The following EIF2B1 variants were observed in gnomAD, a reference collection of about 807,000 sequenced individuals.
The protein encoded by EIF2B1 is eukaryotic translation initiation factor 2B subunit alpha.
A neutral mutation model predicts 36.8 loss-of-function variants in EIF2B1; 30 were observed. The observed-to-expected ratio is 0.81, with a 90% CI of 0.61 to 1.10. The LOEUF (loss-of-function observed/expected upper bound fraction) is 1.10. Ranked by LOEUF, EIF2B1 falls within the 50% of genes least tolerant of loss-of-function variation. EIF2B1 has a pLI of 0.00. For synonymous variants in EIF2B1, 139 were observed against 142.2 expected, an observed-to-expected ratio of 0.98 and a Z score of 0.16; for missense variants, 271 against 374.8, an observed-to-expected ratio of 0.72 and a Z score of 2.29.
chr12:123,633,549 G>A lies in EIF2B1; in HGVS notation c.9C>T (p.Asp3=), dbSNP rs765962608. 26 of 1,613,094 alleles carry A rather than the reference G, an allele frequency of 1.6e-5. No homozygotes were observed. The highest frequency in any genetic ancestry group is 2.1e-5 in the Non-Finnish European group (25 of 1,180,016). The change falls in exon 1 of 9, where the codon GAC becomes GAT. Residue 3 remains aspartate, a synonymous_variant. Transcript: ENST00000424014. MD[D]KELIEYFKSQ... is the part of the protein sequence containing the mutation. ...CCCTGGCCTGTCTTGATTTACCCTT[G>A]TCGTCCATGGCGTCCTCCTGCTGCG...
chr12:123,633,424 C>A lies in EIF2B1; in HGVS notation c.13+121G>T. On this transcript the variant is annotated intron_variant, in intron 1 of 8. Transcript: ENST00000424014. ...TTAGTTGTGACTCTGGAAACACAACCAGCGGAGCAGCCTGAAATTCAAAAG... is the reference window on the plus strand; with the variant it reads ...TTAGTTGTGACTCTGGAAACACAACAAGCGGAGCAGCCTGAAATTCAAAAG... The A allele has an allele frequency of 3.4e-6, 5 of 1,464,254 alleles. No homozygotes were observed. In the African/African-American group the frequency reaches 4.2e-5, roughly 12 times the overall value. 90.7% of individuals were successfully genotyped at this position (1,464,254 alleles called of 1,614,324 possible).
rs1955099100 is a variant in EIF2B1 at position 123,621,599 on chromosome 12, G to C, written c.*157C>G. On this transcript the variant is annotated 3_prime_UTR_variant, in exon 9 of 9. Transcript: ENST00000424014. ...ACATTTTTAGATGGGACTGAAATGA[G>C]TAAGAAAGGTTCTCCAAGATGTATG... is the stretch of plus-strand genomic sequence containing the variant. The C allele has an allele frequency of 1.1e-6, 1 of 889,104 alleles. No homozygotes were observed. The highest frequency in any genetic ancestry group is 1.7e-5 in the African/African-American group (1 of 60,470). 55.1% of individuals were successfully genotyped at this position (889,104 alleles called of 1,614,324 possible). A position where few individuals can be genotyped will look rare whatever the true frequency, so the allele number is the denominator to read the frequency against.
intron 4 of EIF2B1, among the ~76,000 whole-genome samples, chr12:123,628,828 C>G (rs1465703741): frequency 6.6e-6 from 1 of 152,130 alleles, no homozygotes; most frequent in African/African-American, 2.4e-5. Context: ...TTAATAAGAC[C>G]CCAGCTGACT....
At chr12:123,621,998 G>A (rs1955104780) in intron 8 of EIF2B1, 78 bp from the exon 9 acceptor site, 1 of 1,568,586 alleles carries the variant, frequency 6.4e-7, no homozygotes, top group South Asian at 1.1e-5. Flanking sequence ...TGAGTGATCA[G>A]TGTGCTACTT....
chr12:123,633,182 T>G (rs1955214419), intron 1 of EIF2B1, among the ~76,000 whole-genome samples: 1 of 150,402 alleles, frequency 6.6e-6, no homozygotes, highest in South Asian at 2.1e-4. Flanking sequence ...CCACTCCCCT[T>G]TATTTCTTTA....
In EIF2B1 at chr12:123,621,415, A is replaced by G; in HGVS notation, c.*341T>C. The stretch of plus-strand genomic sequence containing the variant: ...CGCCTGCATCTCGCGTGCTTTAGGC[A>G]GATCAGTCTGGAGTGCAGGGGAGGA... On this transcript the variant is annotated 3_prime_UTR_variant, in exon 9 of 9. Coordinates refer to ENST00000424014, the MANE Select transcript of EIF2B1 (RefSeq NM_001414.4). The G allele has an allele frequency of 5.4e-6, 2 of 369,014 alleles. No individual in the cohort carries two copies. The highest frequency in any genetic ancestry group is 1.0e-5 in the Non-Finnish European group (2 of 190,558). 22.9% of individuals were successfully genotyped at this position (369,014 alleles called of 1,614,324 possible). A position where few individuals can be genotyped will look rare whatever the true frequency, so the allele number is the denominator to read the frequency against.
At chr12:123,626,074 A>G (rs182533252) in intron 6 of EIF2B1, 3 of 286,546 alleles carry the variant, frequency 1.0e-5, no homozygotes, top group Non-Finnish European at 2.1e-5. Context: ...TGGAGATTGC[A>G]GTGAACCAAG....
Position 123,623,242 on chromosome 12 carries a change from A to G in EIF2B1, c.628-481T>C, listed in dbSNP as rs139738174. 5.0e-3 allele frequency among the ~76,000 whole-genome samples: 755 copies of G among 151,900 alleles called. 6 individuals carry two copies. The highest frequency in any genetic ancestry group is 0.014 in the African/African-American group (578 of 41,476). Reference sequence around the variant, plus strand: ...TAAAAATACAAAAAATTAGCTGGGCATGGTGGGATGGGGGGTGCCTGTAAT... The same window carrying G: ...TAAAAATACAAAAAATTAGCTGGGCGTGGTGGGATGGGGGGTGCCTGTAAT... On this transcript the variant is annotated intron_variant, in intron 7 of 8. Transcript: ENST00000424014.
At chr12:123,622,900 A>G (rs2135759937) in intron 7 of EIF2B1, 139 bp from the exon 8 acceptor site, 4 of 1,307,124 alleles carry the variant, frequency 3.1e-6, no homozygotes, top group South Asian at 1.2e-5. Flanking sequence ...ACCTGAACCC[A>G]TGAGTTTGGG....
chr12:123,625,671 T>C (rs1955143188), intron 6 of EIF2B1, among the ~76,000 whole-genome samples: 1 of 152,248 alleles, frequency 6.6e-6, no homozygotes, highest in Non-Finnish European at 1.5e-5. Flanking sequence ...GGAAATACAC[T>C]GACAATCCCA....
intron 6 of EIF2B1, among the ~76,000 whole-genome samples, chr12:123,625,575 A>G (rs1060637): frequency 1.3e-5 from 2 of 152,088 alleles, no homozygotes; most frequent in East Asian, 3.8e-4. Flanking sequence ...AATTCCTCAA[A>G]ATCCTTACTT....
intron 7 of EIF2B1, among the ~76,000 whole-genome samples, chr12:123,624,024 G>C (rs1022177355): frequency 1.3e-5 from 2 of 150,768 alleles, no homozygotes; most frequent in African/African-American, 4.9e-5. Context: ...GCAACAGAGT[G>C]AATGTGTCTC....
At chr12:123,629,600 T>A (rs1468613632) in intron 4 of EIF2B1, among the ~76,000 whole-genome samples, 5 of 152,162 alleles carry the variant, frequency 3.3e-5, no homozygotes, top group Admixed American at 3.3e-4. Flanking sequence ...GAGACCATCC[T>A]GGCTAACACA....
chr12:123,623,935 T>C (rs1955127720), intron 7 of EIF2B1, among the ~76,000 whole-genome samples: 2 of 151,962 alleles, frequency 1.3e-5, no homozygotes, highest in Non-Finnish European at 2.9e-5. Context: ...CCTAGCACTT[T>C]GGGAAGTGGA....
At chr12:123,633,288 G>C (rs1021681924) in intron 1 of EIF2B1, among the ~76,000 whole-genome samples, 10 of 150,444 alleles carry the variant, frequency 6.6e-5, no homozygotes, top group South Asian at 2.1e-4. Flanking sequence ...TTTAATGACA[G>C]ATCCAACAAG....
intron 4 of EIF2B1, 75 bp from the exon 5 acceptor site, chr12:123,627,231 G>A: frequency 1.8e-6 from 2 of 1,114,250 alleles, no homozygotes; most frequent in South Asian, 2.5e-5. Flanking sequence ...TGCGGCACGT[G>A]TTCCCGACAC....
intron 6 of EIF2B1, among the ~76,000 whole-genome samples, chr12:123,625,441 G>A (rs1060639): frequency 0.3 from 44,988 of 151,788 alleles, 7,343 homozygotes; most frequent in Non-Finnish European, 0.38. Flanking sequence ...TATTGCCCAG[G>A]CTGGTCTCCA....
rs1477367778 is a variant in EIF2B1 at position 123,622,729 on chromosome 12, T to G, written c.660A>C (p.Lys220Asn). Residue 220 changes from lysine to asparagine, a missense_variant, in exon 8 of 9, where the codon AAA becomes AAC. By Grantham distance (94) the Lys-to-Asn change is moderately conservative. Transcript: ENST00000424014. Reference sequence around the variant, plus strand: ...CCACATAGAAAGGTTTGTTCTGTGCTTTGGCACACACAGCCATCTGGTTGG... The same window carrying G: ...CCACATAGAAAGGTTTGTTCTGTGCGTTGGCACACACAGCCATCTGGTTGG... ...IGTNQMAVCA[K>N]AQNKPFYVVA... 1.9e-6 allele frequency: 3 copies of G among 1,614,170 alleles called. No individual in the cohort carries two copies. The highest frequency in any genetic ancestry group is 2.5e-6 in the Non-Finnish European group (3 of 1,179,990).
At chr12:123,629,745 A>T (rs1359785517) in intron 4 of EIF2B1, among the ~76,000 whole-genome samples, 1 of 152,212 alleles carries the variant, frequency 6.6e-6, no homozygotes, top group South Asian at 2.1e-4. Context: ...GTGAGCTGAG[A>T]TCGCGCCACT....
Sources: allele counts gnomAD v4.1 joint callset (sites outside exome capture counted in the v4.1 genomes callset), GRCh38; gene constraint gnomAD v4.1.1; transcripts MANE v1.5; gene names NCBI Gene and HGNC (gene_info 2026-07-23, HGNC 2026-07-21).